Variants in GPHN observed in about 807,000 individuals in gnomAD.
The protein encoded by GPHN is gephyrin.
A neutral mutation model predicts 95.5 loss-of-function variants in GPHN; 17 were observed. That is an observed-to-expected ratio of 0.18 (90% CI 0.12 to 0.27). The LOEUF (loss-of-function observed/expected upper bound fraction) is 0.27, where lower values mean the gene tolerates loss of function less well. Among genes scored for constraint, GPHN ranks in the 10% least tolerant of loss-of-function variants. GPHN has a pLI of 1.00. For synonymous variants in GPHN, 320 were observed against 322.5 expected (o/e 0.99, Z 0.08); for missense variants, 660 against 978.1 (o/e 0.67, Z 4.34).
At chr14:67,652,149 C>A in the GPHN span, among the ~76,000 whole-genome samples, 12 of 152,326 alleles carry the variant, frequency 7.9e-5, no homozygotes, top group Middle Eastern at 6.8e-3. Flanking sequence ...TACCCTCTTA[C>A]CCCCAACTTC....
intron 3 of GPHN, among the ~76,000 whole-genome samples, chr14:66,777,710 C>G (rs2059435327): frequency 6.6e-6 from 1 of 152,084 alleles, no homozygotes. Flanking sequence ...TAAACAGAGC[C>G]AAAGACAAAA....
At chr14:67,504,998 T>G in the GPHN span, among the ~76,000 whole-genome samples, 1 of 152,208 alleles carries the variant, frequency 6.6e-6, no homozygotes, top group African/African-American at 2.4e-5. Context: ...GGATATTTTT[T>G]AAAGTTTTAA....
chr14:67,180,688 C>A (rs1168193664), intron 22 of GPHN, 116 bp from the exon 23 acceptor site: 2 of 943,264 alleles, frequency 2.1e-6, no homozygotes, highest in Admixed American at 4.0e-5. Flanking sequence ...TTTGATCATC[C>A]CTTCTCCTCT....
rs372442954 is a variant in GPHN, at chr14:66,998,890, T to A, written c.964-24743T>A. Among the ~76,000 whole-genome samples, 686 of 138,782 alleles carry A rather than the reference T, an allele frequency of 4.9e-3. 4 individuals are homozygous for A. The highest frequency in any genetic ancestry group is 0.016 in the African/African-American group (577 of 36,294). The allele number at this position is 138,782 out of a possible 152,430, so 91.0% of individuals were successfully genotyped here. A position where few individuals can be genotyped will look rare whatever the true frequency, so the allele number is the denominator to read the frequency against. Reference sequence around the variant, plus strand: ...ATGGTCCCTTTGTAAAAAAAAAAAATATATATATATATATACACATATATA... The same window carrying A: ...ATGGTCCCTTTGTAAAAAAAAAAAAAATATATATATATATACACATATATA... On this transcript the variant is annotated intron_variant, in intron 9 of 22. Transcript: ENST00000478722.
chr14:67,235,886 CTTCTTTTCTCTGT>C, the GPHN span, among the ~76,000 whole-genome samples: 42 of 152,116 alleles, frequency 2.8e-4, no homozygotes, highest in African/African-American at 9.7e-4. Context: ...TAAGCTCATG[CTTCTTTTCTCTGT>C]TTATATCACT....
At chr14:67,707,018 T>C in the GPHN span, among the ~76,000 whole-genome samples, 1 of 152,224 alleles carries the variant, frequency 6.6e-6, no homozygotes, top group Non-Finnish European at 1.5e-5. Flanking sequence ...CATTACTCTG[T>C]AGTCCATACA....
the GPHN span, among the ~76,000 whole-genome samples, chr14:67,511,490 C>T: frequency 6.6e-6 from 1 of 152,314 alleles, no homozygotes; most frequent in Middle Eastern, 3.4e-3. Context: ...ACCAGCCACA[C>T]TGGGAGCCGA....
At chr14:67,699,862 C>G in the GPHN span, among the ~76,000 whole-genome samples, 1 of 152,174 alleles carries the variant, frequency 6.6e-6, no homozygotes, top group African/African-American at 2.4e-5. Flanking sequence ...TGGATTTAGG[C>G]TGGGCGCGGT....
At chr14:66,571,501 C>CATTTGT (rs976776989) in intron 1 of GPHN, among the ~76,000 whole-genome samples, 9 of 152,100 alleles carry the variant, frequency 5.9e-5, no homozygotes, top group African/African-American at 1.9e-4. Flanking sequence ...GCTAGAATCC[C>CATTTGT]ATTTGTCTAT....
intron 5 of GPHN, among the ~76,000 whole-genome samples, chr14:66,890,779 T>C (rs1040606573): frequency 1.0e-4 from 15 of 148,606 alleles, no homozygotes; most frequent in African/African-American, 3.9e-4. Context: ...ATCATTGTAA[T>C]ATACCACAGT....
At chr14:66,571,540 G>A (rs1332085411) in intron 1 of GPHN, among the ~76,000 whole-genome samples, 1 of 152,034 alleles carries the variant, frequency 6.6e-6, no homozygotes, top group African/African-American at 2.4e-5. Flanking sequence ...TGCTTTTGGG[G>A]TCATATTCAA....
the GPHN span, chr14:67,690,206 G>A: frequency 1.2e-6 from 2 of 1,611,548 alleles, no homozygotes; most frequent in South Asian, 1.1e-5. Context: ...TTTCCTCTAG[G>A]CCCACCTTTT....
intron 17 of GPHN, among the ~76,000 whole-genome samples, chr14:67,124,647 C>T (rs1017652207): frequency 6.6e-6 from 1 of 152,130 alleles, no homozygotes; most frequent in African/African-American, 2.4e-5. Flanking sequence ...ATGGAACAAA[C>T]ACCAGATTCT....
intron 11 of GPHN, among the ~76,000 whole-genome samples, chr14:67,062,313 A>C (rs2075856456): frequency 6.6e-6 from 1 of 152,230 alleles, no homozygotes; most frequent in Non-Finnish European, 1.5e-5. Flanking sequence ...AGTAGGAAAA[A>C]GTATTTGGGG....
intron 1 of GPHN, among the ~76,000 whole-genome samples, chr14:66,673,446 C>T (rs902778844): frequency 1.3e-5 from 2 of 152,152 alleles, no homozygotes; most frequent in Non-Finnish European, 2.9e-5. Context: ...TTCAACTAAA[C>T]GAAGTCCAAT....
intron 1 of GPHN, among the ~76,000 whole-genome samples, chr14:66,601,830 T>C (rs1311699755): frequency 6.6e-6 from 1 of 151,996 alleles, no homozygotes. Flanking sequence ...ACAATACTTT[T>C]GTAATATACT....
intron 9 of GPHN, among the ~76,000 whole-genome samples, chr14:66,995,641 T>C (rs750805843): frequency 4.6e-5 from 7 of 152,174 alleles, no homozygotes; most frequent in Non-Finnish European, 8.8e-5. Context: ...AGAACAAATC[T>C]GATAATAAGT....
At chr14:67,486,860 C>T in the GPHN span, 1 of 152,218 alleles carries the variant, frequency 6.6e-6, no homozygotes, top group African/African-American at 2.4e-5. Flanking sequence ...TGACATTCCC[C>T]TCCCATTGCC....
chr14:66,672,863 C>T (rs944026276), intron 1 of GPHN, among the ~76,000 whole-genome samples: 1 of 152,024 alleles, frequency 6.6e-6, no homozygotes, highest in Non-Finnish European at 1.5e-5. Context: ...TCTACCCTGA[C>T]AATCTCTGTT....
Sources: gnomAD v4.1 joint callset for allele counts (sites outside exome capture counted in the v4.1 genomes callset) on GRCh38, gnomAD v4.1.1 for gene constraint, MANE v1.5 for transcripts, NCBI Gene and HGNC (gene_info 2026-07-23, HGNC 2026-07-21) for gene names.